The following ADAMTS18 variants were observed in gnomAD, a reference collection of about 807,000 sequenced individuals.
ADAMTS18 encodes the protein A disintegrin and metalloproteinase with thrombospondin motifs 18.
In ADAMTS18, 157 loss-of-function variants were observed where a neutral mutation model predicts 165.9. The ratio of observed to expected loss-of-function variants is 0.95; its 90% CI spans 0.83 to 1.08. The LOEUF is 1.08. Among genes scored for constraint, ADAMTS18 ranks in the 50% least tolerant of loss-of-function variants. The pLI, the probability that ADAMTS18 is intolerant of heterozygous loss-of-function variation, is 0.00. For missense variants in ADAMTS18, 2,040 were observed against 1,534.0 expected (o/e 1.33, Z -5.51); for synonymous variants, 782 against 578.2 (o/e 1.35, Z -5.06).
At chr16:77,321,244 G>A (rs1263119151) in intron 14 of ADAMTS18, 42 bp from the exon 15 acceptor site, 1 of 1,612,862 alleles carries the variant, frequency 6.2e-7, no homozygotes, top group African/African-American at 1.3e-5. Flanking sequence ...AAAGATCAGA[G>A]AAGCCAGAGG....
chr16:77,396,967 T>C (rs1172722250), intron 3 of ADAMTS18, among the ~76,000 whole-genome samples: 2 of 152,090 alleles, frequency 1.3e-5, no homozygotes, highest in East Asian at 3.9e-4. Context: ...CCACCACGCC[T>C]GGCTAATTTT....
intron 3 of ADAMTS18, among the ~76,000 whole-genome samples, chr16:77,401,154 C>T (rs926776544): frequency 6.6e-6 from 1 of 152,066 alleles, no homozygotes; most frequent in Non-Finnish European, 1.5e-5. Context: ...ACTCAGGAGT[C>T]TGAGGCAGGA....
At chr16:77,314,773 TATATATATATATAAA>T (rs1364359321) in intron 16 of ADAMTS18, among the ~76,000 whole-genome samples, 7 of 83,426 alleles carry the variant, frequency 8.4e-5, no homozygotes, top group African/African-American at 2.8e-4. Context: ...TATATATATA[TATATATATATATAAA>T]ATATATGTGA....
chr16:77,341,385 T>A (rs1374851096), intron 11 of ADAMTS18, among the ~76,000 whole-genome samples: 1 of 152,140 alleles, frequency 6.6e-6, no homozygotes, highest in Non-Finnish European at 1.5e-5. Flanking sequence ...TCCCTGAGAC[T>A]TTTTAAATAC....
At chr16:77,371,645 C>T (rs2056877753) in intron 3 of ADAMTS18, among the ~76,000 whole-genome samples, 1 of 152,084 alleles carries the variant, frequency 6.6e-6, no homozygotes, top group Non-Finnish European at 1.5e-5. Flanking sequence ...GGATTAAAGA[C>T]TTAAGTAAGA....
intron 8 of ADAMTS18, among the ~76,000 whole-genome samples, chr16:77,358,302 G>C (rs60758638): frequency 2.5e-4 from 38 of 152,274 alleles, no homozygotes; most frequent in African/African-American, 8.9e-4. Flanking sequence ...CTGTCCGGGC[G>C]TGGTGGCTCA....
intron 3 of ADAMTS18, among the ~76,000 whole-genome samples, chr16:77,415,474 G>C (rs1350807055): frequency 6.6e-6 from 1 of 152,036 alleles, no homozygotes. Flanking sequence ...AGCAACCCTG[G>C]GATTATCTTC....
intron 3 of ADAMTS18, among the ~76,000 whole-genome samples, chr16:77,385,908 T>C (rs946228634): frequency 6.6e-6 from 1 of 152,156 alleles, no homozygotes; most frequent in Admixed American, 6.5e-5. Flanking sequence ...TGTTAGCAAT[T>C]GTGCAGTCCA....
At chr16:77,420,413 C>A (rs1024916134) in intron 3 of ADAMTS18, among the ~76,000 whole-genome samples, 3 of 152,098 alleles carry the variant, frequency 2.0e-5, no homozygotes, top group African/African-American at 7.2e-5. Context: ...TTTAAAATAA[C>A]ACAGATGTTT....
intron 10 of ADAMTS18, among the ~76,000 whole-genome samples, chr16:77,344,138 T>C (rs2056440287): frequency 7.1e-6 from 1 of 140,194 alleles, no homozygotes; most frequent in Admixed American, 7.2e-5. Flanking sequence ...TACATACATA[T>C]ATATGTATGT....
chr16:77,357,572 C>G (rs972754252), intron 8 of ADAMTS18, among the ~76,000 whole-genome samples: 1 of 152,104 alleles, frequency 6.6e-6, no homozygotes, highest in Non-Finnish European at 1.5e-5. Context: ...ATCCCAGAAA[C>G]AGAGATGGGG....
At chr16:77,361,972 C>A in intron 7 of ADAMTS18, 133 bp downstream of exon 7, 1 of 1,016,034 alleles carries the variant, frequency 9.8e-7, no homozygotes, top group Non-Finnish European at 1.5e-6. Flanking sequence ...CCACAGGGTA[C>A]ATTAGGTTAC....
At chr16:77,423,683 G>C (rs2057633543) in intron 3 of ADAMTS18, among the ~76,000 whole-genome samples, 1 of 152,094 alleles carries the variant, frequency 6.6e-6, no homozygotes, top group Admixed American at 6.6e-5. Context: ...CATCATACAT[G>C]AATTGATGCA....
intron 10 of ADAMTS18, among the ~76,000 whole-genome samples, chr16:77,347,378 G>C (rs779479683): frequency 1.3e-5 from 2 of 151,998 alleles, no homozygotes; most frequent in African/African-American, 4.8e-5. Flanking sequence ...GAAACAACTC[G>C]GTCAAACCAT....
intron 6 of ADAMTS18, among the ~76,000 whole-genome samples, chr16:77,363,583 T>A (rs114089888): frequency 2.6e-5 from 4 of 151,228 alleles, no homozygotes; most frequent in Non-Finnish European, 5.9e-5. Flanking sequence ...TGTATACATA[T>A]GCATATATAA....
chr16:77,415,698 T>C (rs573276714), intron 3 of ADAMTS18, among the ~76,000 whole-genome samples: 27 of 132,952 alleles, frequency 2.0e-4, no homozygotes, highest in Non-Finnish European at 6.2e-5. Context: ...CGTTATCAGA[T>C]GACTGGAGTA....
At chr16:77,338,023 C>T (rs1479073159) in intron 11 of ADAMTS18, among the ~76,000 whole-genome samples, 1 of 151,808 alleles carries the variant, frequency 6.6e-6, no homozygotes, top group Non-Finnish European at 1.5e-5. Flanking sequence ...CCTGCCTCAG[C>T]CTTCCAAGTA....
chr16:77,328,263 G>A (rs2056128853), intron 12 of ADAMTS18, among the ~76,000 whole-genome samples: 1 of 152,098 alleles, frequency 6.6e-6, no homozygotes, highest in South Asian at 2.1e-4. Context: ...CAAAGATGTG[G>A]CTTCTTGTCA....
At chr16:77,284,212 G>C (rs962216430) in intron 22 of ADAMTS18, 141 bp from the exon 23 acceptor site, 18 of 629,054 alleles carry the variant, frequency 2.9e-5, no homozygotes, top group Non-Finnish European at 5.1e-5. Context: ...TGCAATCTCT[G>C]CTGCCCAGGT....
Sources: allele counts gnomAD v4.1 joint callset (sites outside exome capture counted in the v4.1 genomes callset), GRCh38; gene constraint gnomAD v4.1.1; transcripts MANE v1.5; gene names NCBI Gene and HGNC (gene_info 2026-07-23, HGNC 2026-07-21).